The following PTPRG variants were observed in gnomAD, a reference collection of about 807,000 sequenced individuals.
The protein encoded by PTPRG is protein tyrosine phosphatase receptor type G, also known as receptor-type tyrosine-protein phosphatase gamma.
In PTPRG, 102 loss-of-function variants were observed where a neutral mutation model predicts 165.3. The ratio of observed to expected loss-of-function variants is 0.62; its 90% CI spans 0.53 to 0.73. The LOEUF is 0.73. PTPRG is among the 30% of genes least tolerant of loss of function. The pLI is 0.00. For missense variants in PTPRG, 1,866 were observed against 1,861.4 expected, an observed-to-expected ratio of 1.00 and a Z score of -0.05; for synonymous variants, 675 against 669.5, an observed-to-expected ratio of 1.01 and a Z score of -0.13.
At position 62,198,199 on chromosome 3, in the gene PTPRG, T is replaced by C. The variant is rs1162981826; in HGVS notation, c.1327+3029T>C. ...ATAATAGCAAGCAATATTTGTAGAATGGCTCACAGTGACAGCATTGTTACA... is the reference window on the plus strand; with the variant it reads ...ATAATAGCAAGCAATATTTGTAGAACGGCTCACAGTGACAGCATTGTTACA... On this transcript the variant is annotated intron_variant, in intron 10 of 29. Coordinates refer to ENST00000474889, the MANE Select transcript of PTPRG (RefSeq NM_002841.4). Among the ~76,000 whole-genome samples the C allele has an allele frequency of 2.6e-5, 4 of 152,344 alleles. No individual in the cohort carries two copies. The East Asian group carries it at 7.7e-4, about 29-fold the overall frequency.
At chr3:62,125,680 CTT>C (rs34765777) in intron 5 of PTPRG, among the ~76,000 whole-genome samples, 141 of 139,624 alleles carry the variant, frequency 1.0e-3, no homozygotes, top group African/African-American at 2.0e-3. Context: ...GATCTCATAC[CTT>C]TTTTTTTTTT....
chr3:61,990,743 C>T, intron 3 of PTPRG, among the ~76,000 whole-genome samples: 1 of 151,988 alleles, frequency 6.6e-6, no homozygotes, highest in South Asian at 2.1e-4. Context: ...TTCTCTTTCT[C>T]TTCTTAAAGT....
chr3:61,621,690 T>C lies in PTPRG; in HGVS notation c.85+59318T>C, dbSNP rs571431252. Among the ~76,000 whole-genome samples the C allele has an allele frequency of 9.8e-5, 15 of 152,344 alleles. 1 individual carries two copies. The South Asian group carries it at 2.9e-3, about 29-fold the overall frequency. On this transcript the variant is annotated intron_variant, in intron 1 of 29. Transcript: ENST00000474889. Reference sequence around the variant, plus strand: ...CTCAGGTCAGTTGGAGTTTGTGGGCTAAGAGTATGAGATTTGAAGTTAGGA... The same window carrying C: ...CTCAGGTCAGTTGGAGTTTGTGGGCCAAGAGTATGAGATTTGAAGTTAGGA...
Position 61,562,163 on chromosome 3 carries a change from C to CG in PTPRG, c.-119dup, listed in dbSNP as rs1311727422. ...CCAAGGGGACTCGGGCCGCCGAGCG[C>CG]GGGGGGCCCGTGGAGCGGGCGAGCC... On this transcript the variant is annotated 5_prime_UTR_variant, in exon 1 of 30. Coordinates refer to ENST00000474889, the MANE Select transcript of PTPRG (RefSeq NM_002841.4). 3 of 805,208 alleles carry CG rather than the reference C, an allele frequency of 3.7e-6. No individual in the cohort carries two copies. The highest frequency in any genetic ancestry group is 2.1e-6 in the Non-Finnish European group (1 of 487,620). 49.9% of individuals were successfully genotyped at this position (805,208 alleles called of 1,614,324 possible). A position where few individuals can be genotyped will look rare whatever the true frequency, so the allele number is the denominator to read the frequency against.
intron 1 of PTPRG, among the ~76,000 whole-genome samples, chr3:61,649,669 G>A (rs1196757726): frequency 6.6e-6 from 1 of 152,070 alleles, no homozygotes; most frequent in Non-Finnish European, 1.5e-5. Context: ...ATCACAGCAG[G>A]GCTAAATCAG....
At position 62,169,737 on chromosome 3, in the gene PTPRG, A is replaced by G. The variant is rs57064768; in HGVS notation, c.1033+1574A>G. 2.3e-3 allele frequency among the ~76,000 whole-genome samples: 347 copies of G among 152,306 alleles called. 2 individuals are homozygous for G. Among genetic ancestry groups the G allele is most frequent in the African/African-American group, 7.8e-3 (326 of 41,574 alleles). On this transcript the variant is annotated intron_variant, in intron 8 of 29. Coordinates refer to ENST00000474889, the MANE Select transcript of PTPRG (RefSeq NM_002841.4). ...TTCTTCAAAATTATGAGCTTGGGTA[A>G]TAAAGGGAGAGCTTGTGTCATTTAT...
intron 14 of PTPRG, among the ~76,000 whole-genome samples, chr3:62,231,918 G>A (rs1273611104): frequency 1.3e-5 from 2 of 151,606 alleles, no homozygotes; most frequent in South Asian, 4.2e-4. Flanking sequence ...GTAAATGTTT[G>A]GAACTCATGA....
chr3:61,780,416 G>C (rs898246253), intron 2 of PTPRG, among the ~76,000 whole-genome samples: 1 of 152,176 alleles, frequency 6.6e-6, no homozygotes, highest in Admixed American at 6.6e-5. Context: ...AGGAAAACTG[G>C]ATTTGTCTCT....
rs79016288 is a variant in PTPRG, at chr3:61,829,479, C to T, written c.190+80497C>T. 6.6e-5 allele frequency among the ~76,000 whole-genome samples: 10 copies of T among 152,322 alleles called. 1 individual carries two copies. In the East Asian group the frequency reaches 1.9e-3, roughly 29 times the overall value. Reference sequence around the variant, plus strand: ...GCCCGATCACTGCCTTAAACGACACCACCAGGGACATACTTGGGCTTAAAG... The same window carrying T: ...GCCCGATCACTGCCTTAAACGACACTACCAGGGACATACTTGGGCTTAAAG... On this transcript the variant is annotated intron_variant, in intron 2 of 29. Coordinates refer to ENST00000474889, the MANE Select transcript of PTPRG (RefSeq NM_002841.4).
chr3:61,647,791 CA>C (rs58020589), intron 1 of PTPRG, among the ~76,000 whole-genome samples: 7,588 of 92,580 alleles, frequency 0.082, 248 homozygotes, highest in East Asian at 0.18. Context: ...GACTCCGTCT[CA>C]AAAAAAAAAA....
chr3:61,689,623 G>A lies in PTPRG; in HGVS notation c.86-59255G>A, dbSNP rs2030030822. Reference sequence around the variant, plus strand: ...AAATTGAGGCACTGAAGCTGAAGTGGCAAGGGCAAGTGTGAATTGCATCAG... The same window carrying A: ...AAATTGAGGCACTGAAGCTGAAGTGACAAGGGCAAGTGTGAATTGCATCAG... On this transcript the variant is annotated intron_variant, in intron 1 of 29. Transcript: ENST00000474889. Among the ~76,000 whole-genome samples, 4 of 152,320 alleles carry A rather than the reference G, an allele frequency of 2.6e-5. No homozygotes were observed. In the South Asian group the frequency reaches 8.3e-4, roughly 32 times the overall value.
chr3:62,002,923 C>CAT (rs2041208518), intron 3 of PTPRG, among the ~76,000 whole-genome samples: 1 of 152,140 alleles, frequency 6.6e-6, no homozygotes, highest in South Asian at 2.1e-4. Context: ...TCTGGCTGAT[C>CAT]ATATATATTT....
intron 28 of PTPRG, among the ~76,000 whole-genome samples, chr3:62,287,718 TG>T (rs561979544): frequency 2.6e-4 from 39 of 152,340 alleles, no homozygotes; most frequent in African/African-American, 7.0e-4. Flanking sequence ...AGGATACATT[TG>T]ATCAGTAGCA....
chr3:61,980,788 C>G (rs1365097593), intron 2 of PTPRG, among the ~76,000 whole-genome samples: 1 of 152,178 alleles, frequency 6.6e-6, no homozygotes, highest in Non-Finnish European at 1.5e-5. Context: ...TCCTCCCTTT[C>G]TCTTGTTACT....
rs1465437527 is a variant in PTPRG at position 62,159,015 on chromosome 3, A to T, written c.840+1791A>T. Among the ~76,000 whole-genome samples the T allele has an allele frequency of 2.6e-5, 4 of 152,218 alleles. No homozygotes were observed. The East Asian group carries it at 5.8e-4, about 22-fold the overall frequency. On this transcript the variant is annotated intron_variant, in intron 7 of 29. Transcript: ENST00000474889. ...CAAGATCCTTTTTTGTCAGTTAATA[A>T]ATACTTTTGTCTTGAAAGATTGAAA...
intron 4 of PTPRG, among the ~76,000 whole-genome samples, chr3:62,046,280 C>T (rs1700289195): frequency 6.6e-6 from 1 of 152,136 alleles, no homozygotes; most frequent in Non-Finnish European, 1.5e-5. Flanking sequence ...TGCATTTTCT[C>T]ATCCACTCCA....
chr3:62,154,278 A>G (rs1274042477), intron 6 of PTPRG, among the ~76,000 whole-genome samples: 1 of 152,166 alleles, frequency 6.6e-6, no homozygotes, highest in Non-Finnish European at 1.5e-5. Flanking sequence ...ATTCAATGGC[A>G]GTGATAGTGG....
At chr3:62,157,301 A>G (rs1018869854) in intron 7 of PTPRG, 77 bp downstream of exon 7, 23 of 1,439,742 alleles carry the variant, frequency 1.6e-5, no homozygotes, top group Non-Finnish European at 2.1e-5. Context: ...TGGCTAGAGT[A>G]TACCACTAAG....
intron 2 of PTPRG, among the ~76,000 whole-genome samples, chr3:61,796,647 G>T (rs962754305): frequency 3.3e-5 from 5 of 152,204 alleles, no homozygotes; most frequent in Admixed American, 6.5e-5. Flanking sequence ...TTGTGTGCAG[G>T]ATTCTCTCTG....
Sources: allele counts gnomAD v4.1 joint callset (sites outside exome capture counted in the v4.1 genomes callset), GRCh38; gene constraint gnomAD v4.1.1; transcripts MANE v1.5; gene names NCBI Gene and HGNC (gene_info 2026-07-23, HGNC 2026-07-21).